DPT: variants seen among roughly 807,000 people sequenced by gnomAD.
DPT encodes the protein tyrosine-rich acidic matrix protein.
A neutral mutation model predicts 31.2 loss-of-function variants in DPT; 21 were observed. The ratio of observed to expected loss-of-function variants is 0.67; its 90% CI spans 0.48 to 0.97. The LOEUF is 0.97. Ranked by LOEUF, DPT falls within the 50% of genes least tolerant of loss-of-function variation. DPT has a pLI of 0.00. For missense variants in DPT, 262 were observed against 258.8 expected, an observed-to-expected ratio of 1.01 and a Z score of -0.08; for synonymous variants, 91 against 86.9, an observed-to-expected ratio of 1.05 and a Z score of -0.26.
At chr1:168,705,170 C>T (rs1490246486) in intron 2 of DPT, among the ~76,000 whole-genome samples, 1 of 152,190 alleles carries the variant, frequency 6.6e-6, no homozygotes, top group Non-Finnish European at 1.5e-5. Flanking sequence ...TAAAGTGACT[C>T]AGCGTAAGGT....
intron 1 of DPT, among the ~76,000 whole-genome samples, 199 bp downstream of exon 1, chr1:168,728,671 C>T (rs2101916201): frequency 6.6e-6 from 1 of 152,314 alleles, no homozygotes; most frequent in East Asian, 1.9e-4. Context: ...CACAGACACT[C>T]CCCATCCCAG....
At chr1:168,711,952 C>A (rs1351507935) in intron 2 of DPT, among the ~76,000 whole-genome samples, 1 of 151,796 alleles carries the variant, frequency 6.6e-6, no homozygotes, top group Non-Finnish European at 1.5e-5. Context: ...ATATTCTGGG[C>A]AGAAGTGGAG....
Position 168,714,319 on chromosome 1 carries a change from C to T in DPT, c.333G>A (p.Leu111=), listed in dbSNP as rs761787569. The change falls in exon 2 of 4, where the codon CTG becomes CTA. Residue 111 remains leucine, a synonymous_variant. Transcript: ENST00000367817. The stretch of plus-strand genomic sequence containing the variant: ...AGTAGCGGCTCTGGAATCCTGCCAC[C>T]AGCCCATTGTTGGAGCACGTCTGGT... ...EWYQTCSNNG[L]VAGFQSRYFE... The T allele has an allele frequency of 3.1e-6, 5 of 1,614,136 alleles. No homozygotes were observed. The South Asian group carries it at 5.5e-5, about 18-fold the overall frequency.
Position 168,696,537 on chromosome 1 carries a change from T to A in DPT, c.*12A>T. 6.2e-7 allele frequency: 1 copy of A among 1,612,948 alleles called. No homozygotes were observed. Among genetic ancestry groups the A allele is most frequent in the Admixed American group, 1.7e-5 (1 of 59,920 alleles). ...CCCCTTTCCTTTCACCCAGATTTGG[T>A]ATGTGGCAAATCTAAACATTTGCAA... is the stretch of plus-strand genomic sequence containing the variant. On this transcript the variant is annotated 3_prime_UTR_variant, in exon 4 of 4. Coordinates refer to ENST00000367817, the MANE Select transcript of DPT (RefSeq NM_001937.5).
At chr1:168,721,330 C>A (rs1650109733) in intron 1 of DPT, among the ~76,000 whole-genome samples, 1 of 152,154 alleles carries the variant, frequency 6.6e-6, no homozygotes, top group Admixed American at 6.6e-5. Flanking sequence ...AGTTCTTAAC[C>A]TGACAGTATT....
At position 168,719,209 on chromosome 1, in the gene DPT, G is replaced by A. The variant is rs144462131; in HGVS notation, c.306-4863C>T. ...CCTCCAAGTAGTTTACATGGATCTTGGGTGAGCAATCCCTTTTCTTGCTTC... is the reference window on the plus strand; with the variant it reads ...CCTCCAAGTAGTTTACATGGATCTTAGGTGAGCAATCCCTTTTCTTGCTTC... On this transcript the variant is annotated intron_variant, in intron 1 of 3. Coordinates refer to ENST00000367817, the MANE Select transcript of DPT (RefSeq NM_001937.5). Among the ~76,000 whole-genome samples the A allele has an allele frequency of 3.2e-4, 49 of 152,278 alleles. 2 individuals are homozygous for A. Among genetic ancestry groups the A allele is most frequent in the African/African-American group, 1.1e-3 (46 of 41,550 alleles).
At chr1:168,723,871 G>A (rs1250567331) in intron 1 of DPT, among the ~76,000 whole-genome samples, 1 of 152,088 alleles carries the variant, frequency 6.6e-6, no homozygotes, top group South Asian at 2.1e-4. Flanking sequence ...TTTACAGAAT[G>A]CTTGTAAAGA....
At chr1:168,711,314 C>T (rs1649855245) in intron 2 of DPT, among the ~76,000 whole-genome samples, 1 of 152,072 alleles carries the variant, frequency 6.6e-6, no homozygotes, top group African/African-American at 2.4e-5. Context: ...GCCACCATGC[C>T]CGGCCTTGAC....
chr1:168,725,021 C>A (rs1156761457), intron 1 of DPT, among the ~76,000 whole-genome samples: 1 of 152,212 alleles, frequency 6.6e-6, no homozygotes, highest in Non-Finnish European at 1.5e-5. Context: ...GCTTGCCCAA[C>A]ATCAGCCACA....
intron 1 of DPT, among the ~76,000 whole-genome samples, chr1:168,716,209 A>G (rs946608127): frequency 6.6e-6 from 1 of 152,232 alleles, no homozygotes; most frequent in Non-Finnish European, 1.5e-5. Context: ...CCTAATGTAT[A>G]TAATTCAAAT....
chr1:168,718,777 C>T lies in DPT; in HGVS notation c.306-4431G>A, dbSNP rs542240881. On this transcript the variant is annotated intron_variant, in intron 1 of 3. Transcript: ENST00000367817. ...TTATCGTGAAGACCAAATAAGACAA[C>T]GCATGTAAAATTCCTGGGATTAATA... Among the ~76,000 whole-genome samples, 15 of 152,256 alleles carry T rather than the reference C, an allele frequency of 9.9e-5. No homozygotes were observed. The South Asian group carries it at 1.0e-3, about 11-fold the overall frequency.
chr1:168,718,216 G>A (rs1055617857), intron 1 of DPT, among the ~76,000 whole-genome samples: 2 of 152,212 alleles, frequency 1.3e-5, no homozygotes, highest in Non-Finnish European at 2.9e-5. Context: ...CTCCCATGGG[G>A]GTAAGTTCCC....
chr1:168,719,995 A>T (rs749351593), intron 1 of DPT, among the ~76,000 whole-genome samples: 9 of 152,190 alleles, frequency 5.9e-5, no homozygotes, highest in Non-Finnish European at 1.3e-4. Flanking sequence ...TCTCAGGGTC[A>T]TCACCCTGAA....
At chr1:168,728,666 A>G (rs1032306862) in intron 1 of DPT, among the ~76,000 whole-genome samples, 1 of 152,122 alleles carries the variant, frequency 6.6e-6, no homozygotes, top group African/African-American at 2.4e-5. Context: ...TCTCCCACAG[A>G]CACTCCCCAT....
At chr1:168,722,899 C>G (rs531706) in intron 1 of DPT, among the ~76,000 whole-genome samples, 54,561 of 151,838 alleles carry the variant, frequency 0.36, 10,767 homozygotes, top group East Asian at 0.52. Flanking sequence ...CTTAACTCTG[C>G]AGAAATCTCT....
chr1:168,719,112 A>G (rs921421738), intron 1 of DPT, among the ~76,000 whole-genome samples: 1 of 152,158 alleles, frequency 6.6e-6, no homozygotes, highest in Non-Finnish European at 1.5e-5. Context: ...TGACCCGACT[A>G]TGTCCCATTA....
chr1:168,700,661 C>T (rs72689240), intron 3 of DPT, among the ~76,000 whole-genome samples: 19,247 of 151,966 alleles, frequency 0.13, 1,483 homozygotes, highest in African/African-American at 0.22. Flanking sequence ...CAAGGGATAC[C>T]GAGTTTAGGA....
intron 2 of DPT, among the ~76,000 whole-genome samples, chr1:168,705,774 T>C (rs568478963): frequency 6.6e-6 from 1 of 152,364 alleles, no homozygotes; most frequent in East Asian, 1.9e-4. Context: ...AAATCTCATT[T>C]TGAATTCTCA....
At chr1:168,714,389 T>A (rs1270118579) in intron 1 of DPT, 43 bp from the exon 2 acceptor site, 1 of 1,612,356 alleles carries the variant, frequency 6.2e-7, no homozygotes, top group Admixed American at 1.7e-5. Flanking sequence ...CAGTGACACA[T>A]ACACAGACCC....
Sources: gnomAD v4.1 joint callset for allele counts (sites outside exome capture counted in the v4.1 genomes callset) on GRCh38, gnomAD v4.1.1 for gene constraint, MANE v1.5 for transcripts, NCBI Gene and HGNC (gene_info 2026-07-23, HGNC 2026-07-21) for gene names.